TMEM132C: variants seen among roughly 807,000 people sequenced by gnomAD.
TMEM132C encodes the protein protein phosphatase 1, regulatory subunit 152.
TMEM132C carries 29 observed loss-of-function variants against 61.4 expected under a neutral mutation model. The observed-to-expected ratio is 0.47, with a 90% CI of 0.35 to 0.64. TMEM132C has a LOEUF of 0.64. TMEM132C is among the 30% of genes least tolerant of loss of function. The pLI is 0.00. For missense variants in TMEM132C, 1,408 were observed against 1,476.9 expected (o/e 0.95, Z 0.76); for synonymous variants, 656 against 633.1 (o/e 1.04, Z -0.54).
chr12:128,296,090 C>G (rs569740576), intron 1 of TMEM132C, among the ~76,000 whole-genome samples: 7 of 152,258 alleles, frequency 4.6e-5, no homozygotes, highest in South Asian at 2.1e-4. Flanking sequence ...GAAGTAGCAC[C>G]CTTGTTTTGA....
At chr12:128,565,531 A>G (rs1233281333) in intron 3 of TMEM132C, among the ~76,000 whole-genome samples, 2 of 152,226 alleles carry the variant, frequency 1.3e-5, no homozygotes, top group Non-Finnish European at 2.9e-5. Context: ...TGTAAATATA[A>G]GAAGTTCTTC....
At chr12:128,593,095 CTCTT>C (rs1433360426) in intron 3 of TMEM132C, among the ~76,000 whole-genome samples, 2 of 151,890 alleles carry the variant, frequency 1.3e-5, no homozygotes, top group Admixed American at 1.3e-4. Flanking sequence ...TCTCTTACCT[CTCTT>C]TCTTCTCTCT....
At chr12:128,489,692 A>G (rs7310133) in intron 2 of TMEM132C, among the ~76,000 whole-genome samples, 12,862 of 151,810 alleles carry the variant, frequency 0.085, 624 homozygotes, top group African/African-American at 0.11. Context: ...AGACTCATAT[A>G]TATATACATG....
chr12:128,267,556 G>T, intron 1 of TMEM132C, 69 bp downstream of exon 1: 2 of 1,168,382 alleles, frequency 1.7e-6, no homozygotes, highest in South Asian at 4.1e-5. Context: ...AGCTCGGGGT[G>T]AGGGCAGCCG....
rs1870557716 is a variant in TMEM132C, at chr12:128,272,515, CTGAG to C, written c.85+5030_85+5033del. On this transcript the variant is annotated intron_variant, in intron 1 of 8. Coordinates refer to ENST00000435159, the MANE Select transcript of TMEM132C (RefSeq NM_001136103.3). ...ATGCAAACATATATTTTCATTTCTC[CTGAG>C]TAACTAGCTAGGATTGGGATTGCTA... 2.6e-5 allele frequency among the ~76,000 whole-genome samples: 4 copies of C among 152,162 alleles called. No individual in the cohort carries two copies. In the South Asian group the frequency reaches 6.2e-4, roughly 24 times the overall value.
rs952617226 is a variant in TMEM132C, at chr12:128,568,175, A to G, written c.1121+24072A>G. Among the ~76,000 whole-genome samples the G allele has an allele frequency of 2.6e-5, 4 of 152,292 alleles. No individual in the cohort carries two copies. In the East Asian group the frequency reaches 7.7e-4, roughly 29 times the overall value. On this transcript the variant is annotated intron_variant, in intron 3 of 8. Coordinates refer to ENST00000435159, the MANE Select transcript of TMEM132C (RefSeq NM_001136103.3). ...TCGTTTCTTTTCAAAAACACCTCTT[A>G]ACAATGTCATCTTGCCATTAAAGAA... is the stretch of plus-strand genomic sequence containing the variant.
chr12:128,449,064 G>A (rs1870089994), intron 2 of TMEM132C, among the ~76,000 whole-genome samples: 1 of 146,870 alleles, frequency 6.8e-6, no homozygotes, highest in South Asian at 2.1e-4. Flanking sequence ...GTGAACCCGG[G>A]AGGCAGAGCT....
chr12:128,689,640 C>T (rs1023248820), intron 5 of TMEM132C, among the ~76,000 whole-genome samples: 2 of 152,128 alleles, frequency 1.3e-5, no homozygotes, highest in African/African-American at 2.4e-5. Context: ...CAAGTGGAGA[C>T]GTGGAAGAAG....
intron 2 of TMEM132C, among the ~76,000 whole-genome samples, chr12:128,451,332 G>A (rs1339239109): frequency 2.6e-5 from 4 of 152,146 alleles, no homozygotes; most frequent in Non-Finnish European, 5.9e-5. Context: ...TCAAGAGAAA[G>A]AAAAGACACA....
At chr12:128,386,398 A>C (rs1874584259) in intron 1 of TMEM132C, among the ~76,000 whole-genome samples, 1 of 152,166 alleles carries the variant, frequency 6.6e-6, no homozygotes, top group Non-Finnish European at 1.5e-5. Context: ...GGGCACAGGC[A>C]CAGAGGTGGC....
intron 4 of TMEM132C, among the ~76,000 whole-genome samples, chr12:128,659,868 A>G (rs1349653056): frequency 6.6e-6 from 1 of 152,128 alleles, no homozygotes; most frequent in Non-Finnish European, 1.5e-5. Flanking sequence ...CACTCCCACA[A>G]CCCCCACTGG....
chr12:128,701,142 T>C (rs934017276), intron 8 of TMEM132C, among the ~76,000 whole-genome samples: 1 of 152,084 alleles, frequency 6.6e-6, no homozygotes, highest in Admixed American at 6.5e-5. Context: ...GAGTCCTTCA[T>C]TGAGGGCTGC....
chr12:128,697,305 G>T lies in TMEM132C; in HGVS notation c.2011G>T (p.Ala671Ser), dbSNP rs374256042. The T allele has an allele frequency of 2.1e-5, 33 of 1,550,960 alleles. No homozygotes were observed. The highest frequency in any genetic ancestry group is 2.8e-5 in the Non-Finnish European group (32 of 1,146,484). ...LDDKVSVTDLAIQLVAGLSVA... is the reference protein window; with the variant it reads ...LDDKVSVTDLSIQLVAGLSVA... ...TGACAAAGTATCGGTGACAGACTTG[G>T]CCATCCAGCTCGTGGCTGGGCTGTC... The change falls in exon 8 of 9, where the codon GCC becomes TCC. Residue 671 changes from alanine (A) to serine (S), a missense_variant. Ala to Ser is a moderately conservative substitution (Grantham distance 99, BLOSUM62 1). Coordinates refer to ENST00000435159, the MANE Select transcript of TMEM132C (RefSeq NM_001136103.3).
chr12:128,642,997 C>T (rs894820859), intron 4 of TMEM132C, among the ~76,000 whole-genome samples: 3 of 152,126 alleles, frequency 2.0e-5, no homozygotes, highest in African/African-American at 7.2e-5. Flanking sequence ...TTCTGATGCC[C>T]GGGTCTCTTC....
At chr12:128,407,299 G>T (rs1187525834) in intron 1 of TMEM132C, among the ~76,000 whole-genome samples, 1 of 152,170 alleles carries the variant, frequency 6.6e-6, no homozygotes, top group Non-Finnish European at 1.5e-5. Flanking sequence ...CACCATGATT[G>T]TGAGGCCTCC....
At chr12:128,386,690 G>T (rs1009311193) in intron 1 of TMEM132C, among the ~76,000 whole-genome samples, 1 of 152,222 alleles carries the variant, frequency 6.6e-6, no homozygotes, top group Non-Finnish European at 1.5e-5. Context: ...TGTGAAGTAG[G>T]TTTCATTCTT....
chr12:128,454,062 T>C (rs536897042), intron 2 of TMEM132C, among the ~76,000 whole-genome samples: 167 of 152,198 alleles, frequency 1.1e-3, no homozygotes, highest in Non-Finnish European at 2.1e-3. Context: ...TTATGCTTCT[T>C]TCCTTCTGCA....
chr12:128,511,619 A>C (rs928800970), intron 2 of TMEM132C, among the ~76,000 whole-genome samples: 5 of 152,200 alleles, frequency 3.3e-5, no homozygotes, highest in Non-Finnish European at 7.3e-5. Context: ...TTGTATCACA[A>C]CACACCTGGA....
chr12:128,385,622 C>T (rs963146725), intron 1 of TMEM132C, among the ~76,000 whole-genome samples: 18 of 152,078 alleles, frequency 1.2e-4, no homozygotes, highest in Admixed American at 2.6e-4. Flanking sequence ...ATACAGGATA[C>T]GTTAAAGATC....
Sources: gnomAD v4.1 joint callset for allele counts (sites outside exome capture counted in the v4.1 genomes callset) on GRCh38, gnomAD v4.1.1 for gene constraint, MANE v1.5 for transcripts, NCBI Gene and HGNC (gene_info 2026-07-23, HGNC 2026-07-21) for gene names.